LRRC37B: variants seen among roughly 807,000 people sequenced by gnomAD.
LRRC37B encodes the protein leucine rich repeat containing 37B, also known as leucine-rich repeat-containing protein 37B.
Under a neutral mutation model 98.3 loss-of-function variants are expected in LRRC37B, and 28 were observed. The ratio of observed to expected loss-of-function variants is 0.28; its 90% CI spans 0.21 to 0.39. The LOEUF is 0.39. Among genes scored for constraint, LRRC37B ranks in the 10% least tolerant of loss-of-function variants. The probability of loss-of-function intolerance (pLI) is 1.00; values close to 1 mark genes in which losing one functional copy is unlikely to be tolerated. For missense variants in LRRC37B, 938 were observed against 1,182.7 expected, an observed-to-expected ratio of 0.79 and a Z score of 3.03; for synonymous variants, 364 against 442.7, an observed-to-expected ratio of 0.82 and a Z score of 2.23.
chr17:32,034,866 C>T (rs539550532), intron 5 of LRRC37B, 44 bp from the exon 9 acceptor site: 1 of 1,419,632 alleles, frequency 7.0e-7, no homozygotes, highest in East Asian at 2.3e-5. Context: ...TGCAGTTTCA[C>T]ACATTGAAAA....
chr17:32,040,479 G>A (rs1453658168), intron 7 of LRRC37B: 16 of 643,792 alleles, frequency 2.5e-5, no homozygotes, highest in Admixed American at 2.0e-4. Context: ...AGGCAAGCCA[G>A]CTGGTCAGTG....
intron 1 of LRRC37B, among the ~76,000 whole-genome samples, chr17:32,012,914 G>T (rs1430771344): frequency 6.6e-6 from 1 of 152,196 alleles, no homozygotes; most frequent in African/African-American, 2.4e-5. Context: ...CTACTTGGGA[G>T]GCTGAGGCAG....
At chr17:32,045,602 A>G in intron 7 of LRRC37B, 98 bp from the exon 11 acceptor site, 1 of 1,429,090 alleles carries the variant, frequency 7.0e-7, no homozygotes, top group Non-Finnish European at 9.7e-7. Flanking sequence ...TCTCAGTAAC[A>G]CCTCTTTGCC....
intron 1 of LRRC37B, 87 bp downstream of exon 4, chr17:32,022,912 T>G (rs989095475): frequency 7.9e-7 from 1 of 1,269,496 alleles, no homozygotes; most frequent in African/African-American, 1.5e-5. Flanking sequence ...CTTCTTTATC[T>G]CCCCAAGCCA....
intron 1 of LRRC37B, among the ~76,000 whole-genome samples, chr17:32,009,322 C>A (rs1910478627): frequency 6.6e-6 from 1 of 151,722 alleles, no homozygotes; most frequent in Admixed American, 6.6e-5. Context: ...AGAGCAGTGG[C>A]ACAGTCACCA....
chr17:32,008,373 C>T (rs1910458560), intron 1 of LRRC37B, among the ~76,000 whole-genome samples: 1 of 152,212 alleles, frequency 6.6e-6, no homozygotes, highest in Admixed American at 6.5e-5. Flanking sequence ...CTCCCCGTCC[C>T]CCCAACTCCC....
At chr17:32,021,747 A>G in exon 1 of LRRC37B, 4 of 1,614,192 alleles carry the variant, frequency 2.5e-6, no homozygotes, top group Non-Finnish European at 3.4e-6. Flanking sequence ...TGAACGTTGG[A>G]GCCTTCCTGA....
intron 1 of LRRC37B, among the ~76,000 whole-genome samples, chr17:32,013,012 G>A (rs138704424): frequency 3.3e-5 from 5 of 151,170 alleles, no homozygotes; most frequent in Non-Finnish European, 3.0e-5. Flanking sequence ...GCAAGACCCC[G>A]TCTTGAAAAC....
upstream of LRRC37B, among the ~76,000 whole-genome samples, chr17:32,019,198 A>T (rs548098639): frequency 1.1e-4 from 17 of 152,324 alleles, no homozygotes; most frequent in Admixed American, 2.0e-4. Context: ...AAGTGCTGGG[A>T]TTACAGGTGC....
chr17:32,009,752 C>T (rs938257625), intron 1 of LRRC37B, among the ~76,000 whole-genome samples: 3 of 152,158 alleles, frequency 2.0e-5, no homozygotes, highest in African/African-American at 7.2e-5. Context: ...AGGTGATCCT[C>T]CCACCTCAGC....
chr17:32,022,288 C>T, exon 1 of LRRC37B: 1 of 1,613,964 alleles, frequency 6.2e-7, no homozygotes, highest in African/African-American at 1.3e-5. Context: ...GAACCTTCTT[C>T]TACAGCCCTG....
At chr17:32,025,728 T>C (rs1385178342) in intron 2 of LRRC37B, among the ~76,000 whole-genome samples, 1 of 152,232 alleles carries the variant, frequency 6.6e-6, no homozygotes, top group Non-Finnish European at 1.5e-5. Context: ...GTTGAGCTTA[T>C]GCTTAGTGGG....
At chr17:32,043,225 T>C (rs1384784739) in intron 7 of LRRC37B, among the ~76,000 whole-genome samples, 1 of 152,152 alleles carries the variant, frequency 6.6e-6, no homozygotes, top group Non-Finnish European at 1.5e-5. Flanking sequence ...ATCCTAAGCC[T>C]TAAAGGAAAA....
At chr17:32,036,967 ATCT>A (rs1157548970) in intron 7 of LRRC37B, among the ~76,000 whole-genome samples, 1 of 135,898 alleles carries the variant, frequency 7.4e-6, no homozygotes, top group East Asian at 2.2e-4. Flanking sequence ...GTTGTTCCAC[ATCT>A]TCAGCATTTT....
intron 11 of LRRC37B, 65 bp downstream of exon 14, chr17:32,050,172 A>G: frequency 4.4e-6 from 4 of 915,304 alleles, no homozygotes; most frequent in Non-Finnish European, 7.3e-6. Context: ...TTCAGAATCC[A>G]CAAACTGAAA....
chr17:32,049,937 C>A, intron 10 of LRRC37B, 66 bp from the exon 14 acceptor site: 2 of 921,214 alleles, frequency 2.2e-6, no homozygotes, highest in Non-Finnish European at 3.3e-6. Context: ...GAAAAGTTAG[C>A]TTCCATTCTC....
chr17:32,043,502 A>G (rs1160322840), intron 7 of LRRC37B, among the ~76,000 whole-genome samples: 1 of 152,240 alleles, frequency 6.6e-6, no homozygotes, highest in Non-Finnish European at 1.5e-5. Flanking sequence ...CAAAGGCTGC[A>G]GTGAGCCGAG....
chr17:32,014,908 G>T (rs1166303504), intron 1 of LRRC37B, among the ~76,000 whole-genome samples: 2 of 152,144 alleles, frequency 1.3e-5, no homozygotes, highest in Non-Finnish European at 2.9e-5. Context: ...TAGGTGGGTG[G>T]ATCACTTGAG....
At chr17:32,020,916 C>T, upstream of LRRC37B, 1 of 1,418,382 alleles carries the variant, frequency 7.1e-7, no homozygotes, top group East Asian at 2.5e-5. Context: ...TCCTTCCTCA[C>T]TAAGGGGAGG....
Sources: allele counts gnomAD v4.1 joint callset (sites outside exome capture counted in the v4.1 genomes callset), GRCh38; gene constraint gnomAD v4.1.1; transcripts MANE v1.5; gene names NCBI Gene and HGNC (gene_info 2026-07-23, HGNC 2026-07-21).